Variants in FYB1 observed in about 807,000 individuals in gnomAD.
FYB1 encodes the protein FYN binding protein 1.
Under a neutral mutation model 94.1 loss-of-function variants are expected in FYB1, and 41 were observed. The observed-to-expected ratio is 0.44, with a 90% CI of 0.34 to 0.57. The LOEUF is 0.57. Ranked by LOEUF, FYB1 falls within the 20% of genes least tolerant of loss-of-function variation. FYB1 has a pLI of 0.02. For missense variants in FYB1, 1,050 were observed against 976.8 expected (o/e 1.07, Z -1.00); for synonymous variants, 367 against 353.2 (o/e 1.04, Z -0.44).
chr5:39,110,871 C>T (rs1465084527), intron 16 of FYB1: 1 of 301,530 alleles, frequency 3.3e-6, no homozygotes, highest in East Asian at 1.1e-4. Context: ...TCCCAGCCAG[C>T]TATTGACTAC....
At chr5:39,234,703 T>C (rs1376672496) in intron 1 of FYB1, among the ~76,000 whole-genome samples, 2 of 152,164 alleles carry the variant, frequency 1.3e-5, no homozygotes, top group East Asian at 1.9e-4. Context: ...CATGGAATAC[T>C]ATGCAGCCAT....
intron 2 of FYB1, among the ~76,000 whole-genome samples, chr5:39,179,921 G>T (rs531490259): frequency 2.0e-5 from 3 of 152,278 alleles, no homozygotes; most frequent in African/African-American, 7.2e-5. Flanking sequence ...TTAGGCATCA[G>T]TTCCAGTAGG....
chr5:39,202,853 C>A lies in FYB1; in HGVS notation c.108G>T (p.Lys36Asn). Residue 36 changes from lysine (K) to asparagine (N), a missense_variant, in exon 2 of 19, where the codon AAG (lysine) becomes AAT (asparagine). Transcript: ENST00000512982. ...PNSSSGIQAR[K>N]NLFNNQGNAS... ...CATTTCCTTGGTTGTTGAATAAGTT[C>A]TTTCTTGCTTGTATTCCTGAAGATG... is the stretch of plus-strand genomic sequence containing the variant. 1 of 1,613,986 alleles carries A rather than the reference C, an allele frequency of 6.2e-7. No individual in the cohort carries two copies. The highest frequency in any genetic ancestry group is 8.5e-7 in the Non-Finnish European group (1 of 1,179,894).
At chr5:39,198,377 T>G (rs1392806031) in intron 2 of FYB1, among the ~76,000 whole-genome samples, 5 of 152,206 alleles carry the variant, frequency 3.3e-5, no homozygotes, top group African/African-American at 9.7e-5. Flanking sequence ...CTCTGCACAT[T>G]GGTTTAAAAT....
In FYB1 at chr5:39,169,057, A is replaced by G. The variant is rs577211202; in HGVS notation, c.1136-15453T>C. ...TTAAAGGAAATAGGAAGATTTAGGT[A>G]GCAGAATACTTGCATAATAACTTAA... On this transcript the variant is annotated intron_variant, in intron 2 of 18. Transcript: ENST00000512982. Among the ~76,000 whole-genome samples the G allele has an allele frequency of 3.9e-5, 6 of 152,358 alleles. No homozygotes were observed. The South Asian group carries it at 1.2e-3, about 32-fold the overall frequency.
chr5:39,191,465 G>A (rs260334), intron 2 of FYB1, among the ~76,000 whole-genome samples: 148,847 of 152,306 alleles, frequency 0.98, 72,805 homozygotes, highest in Middle Eastern at 1. Flanking sequence ...AGGAAACCTC[G>A]TATGGTTTTT....
At chr5:39,270,739 C>A (rs945594348) in intron 1 of FYB1, 2 of 521,346 alleles carry the variant, frequency 3.8e-6, no homozygotes, top group South Asian at 3.5e-5. Context: ...CATGTTATCT[C>A]AACCCTCAGA....
chr5:39,251,527 G>A (rs1751709114), intron 1 of FYB1, among the ~76,000 whole-genome samples: 1 of 152,074 alleles, frequency 6.6e-6, no homozygotes, highest in Non-Finnish European at 1.5e-5. Flanking sequence ...CTGAGAATAG[G>A]TAGGGCTACT....
chr5:39,167,099 G>T (rs1744808026), intron 2 of FYB1, among the ~76,000 whole-genome samples: 1 of 152,086 alleles, frequency 6.6e-6, no homozygotes, highest in Non-Finnish European at 1.5e-5. Flanking sequence ...GGTAAAAGCT[G>T]CAATTAACTT....
intron 1 of FYB1, among the ~76,000 whole-genome samples, chr5:39,234,273 C>G (rs187389344): frequency 6.6e-6 from 1 of 152,136 alleles, no homozygotes; most frequent in East Asian, 1.9e-4. Flanking sequence ...ATTACTGATC[C>G]TTAAAATGCT....
intron 1 of FYB1, among the ~76,000 whole-genome samples, chr5:39,247,364 G>T (rs1174757996): frequency 1.3e-5 from 2 of 151,844 alleles, no homozygotes; most frequent in African/African-American, 4.8e-5. Context: ...TATATGGAAA[G>T]CTTATTCCTA....
At chr5:39,168,899 C>T (rs1023782782) in intron 2 of FYB1, among the ~76,000 whole-genome samples, 4 of 151,846 alleles carry the variant, frequency 2.6e-5, no homozygotes, top group African/African-American at 9.7e-5. Flanking sequence ...TCAATGTCAC[C>T]TAACATATAG....
upstream of FYB1, among the ~76,000 whole-genome samples, chr5:39,222,067 A>C (rs1750289715): frequency 6.6e-6 from 1 of 152,078 alleles, no homozygotes; most frequent in Non-Finnish European, 1.5e-5. Context: ...ATAATCCTCC[A>C]AAAGCAAGCA....
At chr5:39,120,905 A>C (rs982822124) in intron 14 of FYB1, among the ~76,000 whole-genome samples, 1 of 152,068 alleles carries the variant, frequency 6.6e-6, no homozygotes, top group East Asian at 1.9e-4. Context: ...ACTGCCCCAG[A>C]TTAACTCTCT....
intron 2 of FYB1, among the ~76,000 whole-genome samples, chr5:39,196,775 C>A (rs183735718): frequency 6.6e-6 from 1 of 152,156 alleles, no homozygotes; most frequent in African/African-American, 2.4e-5. Context: ...AAGTGGAATG[C>A]GGGTGGGAAC....
At chr5:39,257,153 C>G (rs80161021) in intron 1 of FYB1, among the ~76,000 whole-genome samples, 14,217 of 152,206 alleles carry the variant, frequency 0.093, 752 homozygotes, top group Non-Finnish European at 0.11. Context: ...TTCTGTAGCT[C>G]AAATCTGAGT....
At chr5:39,122,881 G>A (rs17463814) in intron 13 of FYB1, among the ~76,000 whole-genome samples, 24,930 of 151,770 alleles carry the variant, frequency 0.16, 2,440 homozygotes, top group Non-Finnish European at 0.22. Flanking sequence ...TCTGTTTCCC[G>A]TTACCTTTTA....
intron 2 of FYB1, among the ~76,000 whole-genome samples, chr5:39,196,558 G>T (rs1747858500): frequency 6.6e-6 from 1 of 152,136 alleles, no homozygotes; most frequent in Admixed American, 6.5e-5. Flanking sequence ...TATTACTTTT[G>T]TACTCCAAAT....
rs146997088 is a variant in FYB1 at position 39,174,865 on chromosome 5, G to A, written c.1136-21261C>T. On this transcript the variant is annotated intron_variant, in intron 2 of 18. Coordinates refer to ENST00000512982, the MANE Select transcript of FYB1 (RefSeq NM_001465.6). Reference sequence around the variant, plus strand: ...CTAAGATGAAAGAGGAAGCTAAGAAGAGACTAGGCAAAATGCAAAGTCAAC... The same window carrying A: ...CTAAGATGAAAGAGGAAGCTAAGAAAAGACTAGGCAAAATGCAAAGTCAAC... Among the ~76,000 whole-genome samples the A allele has an allele frequency of 2.0e-5, 3 of 152,328 alleles. No homozygotes were observed. In the East Asian group the frequency reaches 5.8e-4, roughly 29 times the overall value.
Sources: allele counts gnomAD v4.1 joint callset (sites outside exome capture counted in the v4.1 genomes callset), GRCh38; gene constraint gnomAD v4.1.1; transcripts MANE v1.5; gene names NCBI Gene and HGNC (gene_info 2026-07-23, HGNC 2026-07-21).